EYA2: variants seen among roughly 807,000 people sequenced by gnomAD.
EYA2 encodes the protein protein phosphatase EYA2.
In EYA2, 31 loss-of-function variants were observed where a neutral mutation model predicts 69.2. The observed-to-expected ratio is 0.45, with a 90% confidence interval of 0.34 to 0.60. The LOEUF is 0.60. Ranked by LOEUF, EYA2 falls within the 20% of genes least tolerant of loss-of-function variation. The probability of loss-of-function intolerance (pLI) is 0.02; values close to 1 mark genes in which losing one functional copy is unlikely to be tolerated. For missense variants in EYA2, 622 were observed against 701.2 expected, an observed-to-expected ratio of 0.89 and a Z score of 1.28; for synonymous variants, 257 against 279.4, an observed-to-expected ratio of 0.92 and a Z score of 0.80.
chr20:47,117,523 C>G (rs950013388), intron 9 of EYA2: 4 of 985,274 alleles, frequency 4.1e-6, no homozygotes, highest in Admixed American at 6.1e-5. Flanking sequence ...GGTGTTATTA[C>G]GTGATTCCGG....
At chr20:47,097,621 A>T (rs1268481864) in intron 9 of EYA2, among the ~76,000 whole-genome samples, 2 of 152,182 alleles carry the variant, frequency 1.3e-5, no homozygotes, top group Admixed American at 6.5e-5. Flanking sequence ...TCCAGTGTGG[A>T]TCTTAGCAAT....
intron 7 of EYA2, among the ~76,000 whole-genome samples, chr20:47,087,228 A>C (rs1453966788): frequency 6.6e-6 from 1 of 152,226 alleles, no homozygotes; most frequent in Non-Finnish European, 1.5e-5. Flanking sequence ...TTAAAGGGAA[A>C]TAGTTCTTTC....
chr20:47,081,471 G>A (rs977754500), intron 7 of EYA2, among the ~76,000 whole-genome samples: 29 of 150,916 alleles, frequency 1.9e-4, no homozygotes, highest in Non-Finnish European at 3.8e-4. Context: ...TCATCTACAG[G>A]GTTGCTGTGA....
intron 9 of EYA2, among the ~76,000 whole-genome samples, chr20:47,103,089 TAATAAC>T (rs2032469655): frequency 6.6e-6 from 1 of 152,064 alleles, no homozygotes; most frequent in Admixed American, 6.5e-5. Flanking sequence ...TTGTTGTTGT[TAATAAC>T]AATTTTATTG....
intron 9 of EYA2, among the ~76,000 whole-genome samples, chr20:47,129,526 T>C (rs572209784): frequency 1.3e-5 from 2 of 152,230 alleles, no homozygotes; most frequent in African/African-American, 2.4e-5. Flanking sequence ...GAGTAGGTGG[T>C]TACTAGAGCA....
At chr20:47,184,413 C>CTT (rs36118012) in intron 15 of EYA2, among the ~76,000 whole-genome samples, 6 of 117,890 alleles carry the variant, frequency 5.1e-5, no homozygotes, top group Admixed American at 9.0e-5. Flanking sequence ...CATTGCATCC[C>CTT]TTTTTTTTTT....
chr20:47,063,126 G>A (rs2030958971), intron 5 of EYA2, among the ~76,000 whole-genome samples: 2 of 152,190 alleles, frequency 1.3e-5, no homozygotes, highest in East Asian at 1.9e-4. Context: ...GGCGTTTAGT[G>A]CGTTCACAGT....
intron 9 of EYA2, among the ~76,000 whole-genome samples, chr20:47,136,711 C>G (rs59080143): frequency 0.013 from 1,921 of 151,426 alleles, 33 homozygotes; most frequent in African/African-American, 0.045. Flanking sequence ...CCACTGCACC[C>G]CAGCCTGGGT....
intron 1 of EYA2, among the ~76,000 whole-genome samples, chr20:46,933,675 T>G (rs1985769603): frequency 6.6e-6 from 1 of 152,318 alleles, no homozygotes; most frequent in South Asian, 2.1e-4. Context: ...GGGAGGCCGA[T>G]GAGAAATGAC....
chr20:46,895,194 C>T (rs936936912), intron 1 of EYA2, among the ~76,000 whole-genome samples: 1 of 152,224 alleles, frequency 6.6e-6, no homozygotes, highest in Non-Finnish European at 1.5e-5. Flanking sequence ...GAGCCCCCCT[C>T]TGGAAAGGCT....
At chr20:47,163,091 G>T (rs925982158) in intron 10 of EYA2, among the ~76,000 whole-genome samples, 2 of 150,750 alleles carry the variant, frequency 1.3e-5, no homozygotes, top group African/African-American at 2.4e-5. Context: ...GTGCAGTGGC[G>T]CCATCTCAGC....
intron 9 of EYA2, among the ~76,000 whole-genome samples, chr20:47,135,156 A>G (rs370852228): frequency 4.0e-5 from 6 of 150,008 alleles, no homozygotes; most frequent in Admixed American, 6.6e-5. Context: ...AAAACAGACA[A>G]CAGGCCATAG....
chr20:47,007,288 C>G (rs988378700), intron 4 of EYA2, among the ~76,000 whole-genome samples: 2 of 152,182 alleles, frequency 1.3e-5, no homozygotes, highest in Non-Finnish European at 2.9e-5. Context: ...ATAAAGGAAG[C>G]AAAGACTTGT....
At chr20:46,903,014 C>A (rs1984189465) in intron 1 of EYA2, among the ~76,000 whole-genome samples, 1 of 152,190 alleles carries the variant, frequency 6.6e-6, no homozygotes, top group South Asian at 2.1e-4. Context: ...TATTATTTAT[C>A]AGGTGCCTCC....
chr20:47,090,041 G>A (rs2032025546), intron 8 of EYA2, among the ~76,000 whole-genome samples: 2 of 151,988 alleles, frequency 1.3e-5, no homozygotes, highest in Admixed American at 6.6e-5. Flanking sequence ...TCAGAAAGGG[G>A]CTCTCAACCT....
intron 6 of EYA2, among the ~76,000 whole-genome samples, chr20:47,073,332 T>C (rs946103852): frequency 4.6e-5 from 7 of 152,146 alleles, no homozygotes; most frequent in African/African-American, 1.2e-4. Context: ...AGCTATTGAA[T>C]TGATCTCCAT....
intron 5 of EYA2, among the ~76,000 whole-genome samples, chr20:47,063,392 C>CGTGTGCGTGTGTGTGTGTGTGT (rs1430441053): frequency 3.5e-5 from 5 of 143,372 alleles, no homozygotes; most frequent in African/African-American, 1.1e-4. Flanking sequence ...TGTGCGTGTG[C>CGTGTGCGTGTGTGTGTGTGTGT]GTGTGTGTGT....
At chr20:47,134,172 A>G (rs904967447) in intron 9 of EYA2, among the ~76,000 whole-genome samples, 5 of 152,206 alleles carry the variant, frequency 3.3e-5, no homozygotes, top group Non-Finnish European at 7.3e-5. Context: ...ACCACCAGAT[A>G]GCGTAGATGT....
chr20:46,913,511 ACTC>A (rs1169610803), intron 1 of EYA2, among the ~76,000 whole-genome samples: 1 of 152,012 alleles, frequency 6.6e-6, no homozygotes, highest in African/African-American at 2.4e-5. Flanking sequence ...GTAGAGCAGA[ACTC>A]CTCTGGCTGC....
Sources: gnomAD v4.1 joint callset for allele counts (sites outside exome capture counted in the v4.1 genomes callset) on GRCh38, gnomAD v4.1.1 for gene constraint, MANE v1.5 for transcripts, NCBI Gene and HGNC (gene_info 2026-07-23, HGNC 2026-07-21) for gene names.